TSHZ2: variants seen among roughly 807,000 people sequenced by gnomAD.
TSHZ2 encodes teashirt homolog 2.
A neutral mutation model predicts 74.4 loss-of-function variants in TSHZ2; 21 were observed. That is an observed-to-expected ratio of 0.28 (90% CI 0.20 to 0.41). The LOEUF is 0.41. TSHZ2 is among the 10% of genes least tolerant of loss of function. The probability of loss-of-function intolerance (pLI) is 1.00; values close to 1 mark genes in which losing one functional copy is unlikely to be tolerated. For missense variants in TSHZ2, 1,244 were observed against 1,293.5 expected (o/e 0.96, Z 0.59); for synonymous variants, 540 against 515.3 (o/e 1.05, Z -0.65).
Position 53,071,130 on chromosome 20 carries a change from T to C in TSHZ2, c.40+97797T>C, listed in dbSNP as rs138233087. ...TGAGAATTTTTTCTCAGAATAAAAGTTGTACTTTAAAAAATATCCCCCCCA... is the reference window on the plus strand; with the variant it reads ...TGAGAATTTTTTCTCAGAATAAAAGCTGTACTTTAAAAAATATCCCCCCCA... On this transcript the variant is annotated intron_variant, in intron 1 of 2. Coordinates refer to ENST00000371497, the MANE Select transcript of TSHZ2 (RefSeq NM_173485.6). Among the ~76,000 whole-genome samples the C allele has an allele frequency of 1.2e-4, 18 of 152,284 alleles. No homozygotes were observed. In the East Asian group the frequency reaches 3.1e-3, roughly 26 times the overall value.
At chr20:53,025,945 G>C (rs1317464361) in intron 1 of TSHZ2, among the ~76,000 whole-genome samples, 1 of 152,124 alleles carries the variant, frequency 6.6e-6, no homozygotes, top group Admixed American at 6.5e-5. Context: ...TAGTCCCTGA[G>C]AAAAGCGACA....
At chr20:53,116,944 T>C (rs933930293) in intron 1 of TSHZ2, among the ~76,000 whole-genome samples, 2 of 152,190 alleles carry the variant, frequency 1.3e-5, no homozygotes, top group East Asian at 1.9e-4. Flanking sequence ...AGTGTCAGCA[T>C]TATTGGGTTC....
chr20:53,232,875 G>C (rs1017930720), intron 1 of TSHZ2, among the ~76,000 whole-genome samples: 4 of 152,022 alleles, frequency 2.6e-5, no homozygotes, highest in African/African-American at 9.6e-5. Flanking sequence ...CATTCAGCAA[G>C]CTGCACTACT....
At chr20:52,980,217 A>G (rs918565798) in intron 1 of TSHZ2, among the ~76,000 whole-genome samples, 1 of 152,250 alleles carries the variant, frequency 6.6e-6, no homozygotes, top group Non-Finnish European at 1.5e-5. Flanking sequence ...TTGCGGCAGG[A>G]TAAGAAGACA....
chr20:53,268,522 G>A (rs150174626), intron 2 of TSHZ2, among the ~76,000 whole-genome samples: 96 of 152,312 alleles, frequency 6.3e-4, no homozygotes, highest in African/African-American at 2.2e-3. Context: ...AAGCATGTGC[G>A]GGATGGAACC....
intron 1 of TSHZ2, among the ~76,000 whole-genome samples, chr20:53,056,117 T>C (rs943814283): frequency 6.6e-6 from 1 of 152,240 alleles, no homozygotes; most frequent in African/African-American, 2.4e-5. Flanking sequence ...ATTTTATCTA[T>C]ACCTAGAACA....
chr20:52,998,826 T>G (rs1982303118), intron 1 of TSHZ2, among the ~76,000 whole-genome samples: 1 of 152,132 alleles, frequency 6.6e-6, no homozygotes, highest in Non-Finnish European at 1.5e-5. Flanking sequence ...GGACATATAA[T>G]TAGGAATATT....
chr20:53,050,109 A>G (rs1186336006), intron 1 of TSHZ2, among the ~76,000 whole-genome samples: 7 of 95,524 alleles, frequency 7.3e-5, no homozygotes, highest in South Asian at 3.2e-4. Context: ...GTGTGTATAT[A>G]TATATATATA....
At chr20:53,454,228 G>C (rs1984950725) in intron 2 of TSHZ2, among the ~76,000 whole-genome samples, 2 of 152,078 alleles carry the variant, frequency 1.3e-5, no homozygotes, top group Admixed American at 6.6e-5. Flanking sequence ...CTTAGGCTGT[G>C]GACTTCTTTG....
At chr20:53,065,077 G>A (rs1038850320) in intron 1 of TSHZ2, among the ~76,000 whole-genome samples, 2 of 152,206 alleles carry the variant, frequency 1.3e-5, no homozygotes, top group Non-Finnish European at 2.9e-5. Context: ...CTTCATTTAT[G>A]TGATCTTTGT....
chr20:53,020,066 T>C (rs948421350), intron 1 of TSHZ2, among the ~76,000 whole-genome samples: 2 of 152,080 alleles, frequency 1.3e-5, no homozygotes, highest in Non-Finnish European at 2.9e-5. Flanking sequence ...CTGCCACTTT[T>C]AAAACCGTGA....
chr20:53,193,346 A>G (rs1988786356), intron 1 of TSHZ2, among the ~76,000 whole-genome samples: 2 of 152,110 alleles, frequency 1.3e-5, no homozygotes, highest in South Asian at 4.2e-4. Context: ...CTCCAGACAC[A>G]TTGCCGTTCG....
At chr20:53,462,193 G>A (rs1483124091) in intron 2 of TSHZ2, among the ~76,000 whole-genome samples, 1 of 152,220 alleles carries the variant, frequency 6.6e-6, no homozygotes, top group East Asian at 1.9e-4. Flanking sequence ...GGCGGAGGTT[G>A]CAGTGAGCCA....
At chr20:53,300,021 T>G (rs1325508922) in intron 2 of TSHZ2, among the ~76,000 whole-genome samples, 1 of 152,264 alleles carries the variant, frequency 6.6e-6, no homozygotes, top group African/African-American at 2.4e-5. Flanking sequence ...GCCAGGGACT[T>G]ATTGCTGTAA....
chr20:53,278,643 T>C (rs894028529), intron 2 of TSHZ2, among the ~76,000 whole-genome samples: 1 of 152,238 alleles, frequency 6.6e-6, no homozygotes, highest in Non-Finnish European at 1.5e-5. Context: ...CTCAGGTACT[T>C]TAATTATAGT....
chr20:53,167,399 T>A (rs1988088148), intron 1 of TSHZ2, among the ~76,000 whole-genome samples: 1 of 152,240 alleles, frequency 6.6e-6, no homozygotes, highest in African/African-American at 2.4e-5. Context: ...TGCTTAGGCA[T>A]GTTTAATAAC....
chr20:53,470,100 C>T (rs910869878), intron 2 of TSHZ2, among the ~76,000 whole-genome samples: 4 of 152,210 alleles, frequency 2.6e-5, no homozygotes, highest in African/African-American at 7.2e-5. Context: ...CCTCCCTTTC[C>T]GACAGCAATT....
At chr20:53,301,685 C>T (rs1408790722) in intron 2 of TSHZ2, among the ~76,000 whole-genome samples, 1 of 152,188 alleles carries the variant, frequency 6.6e-6, no homozygotes, top group Non-Finnish European at 1.5e-5. Flanking sequence ...TCAGTAGATA[C>T]CCTCTTCTCC....
At chr20:53,339,109 A>G (rs894237898) in intron 2 of TSHZ2, among the ~76,000 whole-genome samples, 1 of 152,218 alleles carries the variant, frequency 6.6e-6, no homozygotes, top group African/African-American at 2.4e-5. Context: ...TAACAGTTAA[A>G]TACCTCAGTC....
Sources: allele counts gnomAD v4.1 joint callset (sites outside exome capture counted in the v4.1 genomes callset), GRCh38; gene constraint gnomAD v4.1.1; transcripts MANE v1.5; gene names NCBI Gene and HGNC (gene_info 2026-07-23, HGNC 2026-07-21).